The following MAP6 variants were observed in gnomAD, a reference collection of about 807,000 sequenced individuals.
The protein encoded by MAP6 is microtubule associated protein 6, also known as microtubule-associated protein 6.
Under a neutral mutation model 42.4 loss-of-function variants are expected in MAP6, and 26 were observed. That is an observed-to-expected ratio of 0.61 (90% CI 0.45 to 0.85). MAP6 has a LOEUF of 0.85. Ranked by LOEUF, MAP6 falls within the 40% of genes least tolerant of loss-of-function variation. The probability of loss-of-function intolerance (pLI) is 0.00; values close to 1 mark genes in which losing one functional copy is unlikely to be tolerated. For synonymous variants in MAP6, 418 were observed against 443.8 expected (o/e 0.94, Z 0.73); for missense variants, 966 against 1,099.0 (o/e 0.88, Z 1.71).
At chr11:75,625,327 G>A (rs921445959) in intron 1 of MAP6, among the ~76,000 whole-genome samples, 2 of 152,160 alleles carry the variant, frequency 1.3e-5, no homozygotes, top group African/African-American at 4.8e-5. Context: ...TAGTCTTTGG[G>A]GGAAGCAATT....
At chr11:75,622,031 C>CA (rs905684684) in intron 1 of MAP6, among the ~76,000 whole-genome samples, 4 of 150,512 alleles carry the variant, frequency 2.7e-5, no homozygotes, top group Admixed American at 2.0e-4. Flanking sequence ...TCAAAAAAAC[C>CA]AAAAAAACAA....
At chr11:75,614,665 C>T (rs1484156817) in intron 1 of MAP6, among the ~76,000 whole-genome samples, 1 of 152,218 alleles carries the variant, frequency 6.6e-6, no homozygotes. Context: ...TGAGCTCGAA[C>T]CATCCAGCTA....
chr11:75,647,723 G>C (rs757565038), intron 1 of MAP6, among the ~76,000 whole-genome samples: 1 of 152,168 alleles, frequency 6.6e-6, no homozygotes, highest in African/African-American at 2.4e-5. Context: ...TTATAGAGAT[G>C]TTAATCCTCA....
At chr11:75,617,514 CAAA>C (rs61477947) in intron 1 of MAP6, among the ~76,000 whole-genome samples, 1,040 of 28,078 alleles carry the variant, frequency 0.037, 7 homozygotes, top group East Asian at 0.19. Context: ...AGACTGTCTC[CAAA>C]AAAAAAAAAA....
At chr11:75,610,030 T>G (rs894328312) in intron 1 of MAP6, among the ~76,000 whole-genome samples, 1 of 152,150 alleles carries the variant, frequency 6.6e-6, no homozygotes, top group African/African-American at 2.4e-5. Flanking sequence ...GTGGCTTTTA[T>G]AAGAAGAGGA....
At chr11:75,619,252 TA>T (rs957780778) in intron 1 of MAP6, among the ~76,000 whole-genome samples, 6 of 152,072 alleles carry the variant, frequency 3.9e-5, no homozygotes, top group East Asian at 1.9e-4. Flanking sequence ...TTATTTGCTT[TA>T]AAAAAAATTG....
At chr11:75,599,107 A>G (rs1942627442) in intron 3 of MAP6, 2 of 152,224 alleles carry the variant, frequency 1.3e-5, no homozygotes, top group Non-Finnish European at 2.9e-5. Flanking sequence ...TGACGTGGTC[A>G]GATTTGCATA....
intron 1 of MAP6, among the ~76,000 whole-genome samples, chr11:75,645,799 TA>T (rs1299985990): frequency 6.6e-6 from 1 of 152,094 alleles, no homozygotes; most frequent in Non-Finnish European, 1.5e-5. Flanking sequence ...CTGAATGAGG[TA>T]CATATCCTAT....
chr11:75,624,256 A>G (rs1035546983), intron 1 of MAP6, among the ~76,000 whole-genome samples: 1 of 152,182 alleles, frequency 6.6e-6, no homozygotes, highest in African/African-American at 2.4e-5. Context: ...GGGATGTGGA[A>G]TTTCATCATG....
In MAP6 at chr11:75,587,549, C is replaced by T. The variant is rs1228566618; in HGVS notation, c.1952G>A (p.Ser651Asn). Residue 651 changes from serine (S) to asparagine (N), a missense_variant, in exon 4 of 4, where the codon AGT (serine) becomes AAT (asparagine). By Grantham distance (46) the Ser-to-Asn change is conservative (BLOSUM62 1). Transcript: ENST00000304771. ...PMVPEHPKDE[S>N]AMATAPIKNQ... ...CTTTATGGGTGCTGTGGCCATGGCA[C>T]TTTCATCCTTCGGATGCTCTGGGAC... The T allele has an allele frequency of 1.2e-6, 2 of 1,614,068 alleles. No homozygotes were observed. The highest frequency in any genetic ancestry group is 2.7e-5 in the African/African-American group (2 of 74,902).
rs1374006100 is a variant in MAP6, at chr11:75,618,347, CTGTAATCCCAGCACTT to C, written c.906-10041_906-10026del. 7.2e-5 allele frequency among the ~76,000 whole-genome samples: 11 copies of C among 152,230 alleles called. No individual in the cohort carries two copies. The East Asian group carries it at 1.2e-3, about 16-fold the overall frequency. ...CTTGGCTGGGCGTGGTGGCTCACGC[CTGTAATCCCAGCACTT>C]TGGGAGGCTGAGGTGGGAGGATCAC... On this transcript the variant is annotated intron_variant, in intron 1 of 3. Transcript: ENST00000304771.
intron 1 of MAP6, among the ~76,000 whole-genome samples, chr11:75,615,993 GTGT>G (rs1167549843): frequency 2.0e-5 from 3 of 151,914 alleles, no homozygotes; most frequent in Non-Finnish European, 2.9e-5. Flanking sequence ...GCCCTGGAAA[GTGT>G]TGTAAAAGAA....
intron 1 of MAP6, among the ~76,000 whole-genome samples, chr11:75,641,662 G>T (rs952971555): frequency 1.3e-5 from 2 of 152,142 alleles, no homozygotes; most frequent in African/African-American, 2.4e-5. Flanking sequence ...GCTGATGAGG[G>T]TCTGGCTAAA....
Position 75,657,733 on chromosome 11 carries a change from G to A in MAP6, c.905+9732C>T, listed in dbSNP as rs78562482. ...TTTGCCTTTGCCAGCTTCTAGAGGC[G>A]GCTTACATTCCTTGGGACGTGTCCT... On this transcript the variant is annotated intron_variant, in intron 1 of 3. Transcript: ENST00000304771. 7.4e-3 allele frequency among the ~76,000 whole-genome samples: 1,127 copies of A among 152,264 alleles called. 11 individuals carry two copies. Among genetic ancestry groups the A allele is most frequent in the Middle Eastern group, 0.017 (5 of 294 alleles).
chr11:75,629,363 C>A (rs1272658695), intron 1 of MAP6, among the ~76,000 whole-genome samples: 1 of 151,942 alleles, frequency 6.6e-6, no homozygotes, highest in East Asian at 1.9e-4. Flanking sequence ...GCTGGGATTA[C>A]AGGCATGAGC....
intron 2 of MAP6, chr11:75,607,200 G>GGTTA: frequency 1.0e-6 from 1 of 982,182 alleles, no homozygotes; most frequent in South Asian, 4.7e-5. Context: ...AAACTGGGTC[G>GGTTA]GTTAGTTACC....
chr11:75,656,181 C>A lies in MAP6; in HGVS notation c.905+11284G>T, dbSNP rs186444606. On this transcript the variant is annotated intron_variant, in intron 1 of 3. Coordinates refer to ENST00000304771, the MANE Select transcript of MAP6 (RefSeq NM_033063.2). ...ACTCTAGGATATGCCACAATGTAGGCCAGTGTTTCAAAGACACTGCACAAA... is the reference window on the plus strand; with the variant it reads ...ACTCTAGGATATGCCACAATGTAGGACAGTGTTTCAAAGACACTGCACAAA... 1.8e-4 allele frequency among the ~76,000 whole-genome samples: 27 copies of A among 152,284 alleles called. No homozygotes were observed. In the East Asian group the frequency reaches 5.0e-3, roughly 28 times the overall value.
intron 1 of MAP6, among the ~76,000 whole-genome samples, chr11:75,638,150 T>A (rs768450779): frequency 6.0e-4 from 92 of 152,070 alleles, no homozygotes; most frequent in Non-Finnish European, 9.7e-4. Flanking sequence ...GGCCTGGATC[T>A]GCCCAGTGCT....
chr11:75,665,335 G>C (rs1943929596), intron 1 of MAP6, among the ~76,000 whole-genome samples: 1 of 152,152 alleles, frequency 6.6e-6, no homozygotes, highest in Admixed American at 6.5e-5. Context: ...CAAAGGATGT[G>C]GTCATTCCTT....
Sources: allele counts gnomAD v4.1 joint callset (sites outside exome capture counted in the v4.1 genomes callset), GRCh38; gene constraint gnomAD v4.1.1; transcripts MANE v1.5; gene names NCBI Gene and HGNC (gene_info 2026-07-23, HGNC 2026-07-21).